TMTC1: variants seen among roughly 807,000 people sequenced by gnomAD.
TMTC1 encodes the protein protein O-mannosyl-transferase TMTC1.
Under a neutral mutation model 104.8 loss-of-function variants are expected in TMTC1, and 73 were observed. That is an observed-to-expected ratio of 0.70 (90% CI 0.58 to 0.85). The LOEUF (loss-of-function observed/expected upper bound fraction) is 0.85. Among genes scored for constraint, TMTC1 ranks in the 40% least tolerant of loss-of-function variants. The pLI is 0.00. For missense variants in TMTC1, 1,035 were observed against 1,096.1 expected, an observed-to-expected ratio of 0.94 and a Z score of 0.79; for synonymous variants, 434 against 428.7, an observed-to-expected ratio of 1.01 and a Z score of -0.15.
chr12:29,525,636 G>C (rs1944322256), intron 11 of TMTC1, among the ~76,000 whole-genome samples: 1 of 150,956 alleles, frequency 6.6e-6, no homozygotes, highest in African/African-American at 2.4e-5. Context: ...ATGTATTAAA[G>C]CCTTGTAGCA....
At chr12:29,590,293 A>G (rs1457537450) in intron 7 of TMTC1, among the ~76,000 whole-genome samples, 1 of 152,184 alleles carries the variant, frequency 6.6e-6, no homozygotes, top group Non-Finnish European at 1.5e-5. Flanking sequence ...TGAGCTATGT[A>G]TTCATCTTTT....
intron 6 of TMTC1, among the ~76,000 whole-genome samples, chr12:29,614,306 T>C (rs1388892874): frequency 6.6e-6 from 1 of 152,224 alleles, no homozygotes; most frequent in Non-Finnish European, 1.5e-5. Context: ...TCAAAACATG[T>C]TGCATCTCAT....
chr12:29,670,916 C>CGG, intron 5 of TMTC1, among the ~76,000 whole-genome samples: 1 of 122,962 alleles, frequency 8.1e-6, no homozygotes, highest in African/African-American at 3.3e-5. Context: ...GCCTGGGCCA[C>CGG]AGCACGAGAC....
chr12:29,565,370 G>A (rs1945482472), intron 9 of TMTC1, among the ~76,000 whole-genome samples: 1 of 152,074 alleles, frequency 6.6e-6, no homozygotes, highest in Admixed American at 6.6e-5. Context: ...AAATATCTAG[G>A]TATCATGGCC....
intron 9 of TMTC1, among the ~76,000 whole-genome samples, chr12:29,570,210 A>ATATG (rs2136294555): frequency 6.6e-6 from 1 of 152,338 alleles, no homozygotes; most frequent in South Asian, 2.1e-4. Context: ...AGTATACTTT[A>ATATG]TATGTACCCT....
At chr12:29,576,924 G>T (rs1234932882) in intron 8 of TMTC1, among the ~76,000 whole-genome samples, 1 of 151,898 alleles carries the variant, frequency 6.6e-6, no homozygotes, top group Non-Finnish European at 1.5e-5. Context: ...ATTAAAAAAA[G>T]GAAAAAGAAA....
intron 11 of TMTC1, chr12:29,533,760 A>G (rs1297115956): frequency 1.3e-5 from 2 of 152,336 alleles, no homozygotes; most frequent in East Asian, 1.9e-4. Context: ...AATGGTAGTC[A>G]ATACACTGTA....
chr12:29,518,439 G>A lies in TMTC1; in HGVS notation c.2024+33C>T, dbSNP rs753351331. The A allele has an allele frequency of 3.1e-6, 5 of 1,601,508 alleles. No individual in the cohort carries two copies. The East Asian group carries it at 6.7e-5, about 21-fold the overall frequency. ...TGATGAGTGATTGCTGAGGTTCCTG[G>A]GCAACTTATAAAGAAAAGAAAGGGA... On this transcript the variant is annotated intron_variant, in intron 13 of 17. Coordinates refer to ENST00000539277, the MANE Select transcript of TMTC1 (RefSeq NM_001193451.2).
intron 7 of TMTC1, among the ~76,000 whole-genome samples, chr12:29,600,542 G>T (rs1430959583): frequency 6.6e-6 from 1 of 152,204 alleles, no homozygotes; most frequent in African/African-American, 2.4e-5. Flanking sequence ...CTCCCTTGCA[G>T]TTTTAGTTAC....
At chr12:29,696,394 T>C (rs1221070026) in intron 5 of TMTC1, among the ~76,000 whole-genome samples, 2 of 152,192 alleles carry the variant, frequency 1.3e-5, no homozygotes, top group African/African-American at 2.4e-5. Flanking sequence ...CTTCTGGATG[T>C]GACAAGAATT....
chr12:29,776,848 G>T (rs1430265287), intron 1 of TMTC1, among the ~76,000 whole-genome samples: 1 of 152,172 alleles, frequency 6.6e-6, no homozygotes, highest in African/African-American at 2.4e-5. Context: ...ACAGATCTGG[G>T]GAAAAGCATT....
At chr12:29,602,043 C>T (rs377608150) in intron 7 of TMTC1, among the ~76,000 whole-genome samples, 20 of 151,960 alleles carry the variant, frequency 1.3e-4, no homozygotes, top group African/African-American at 4.6e-4. Context: ...ACTGTGTTAG[C>T]GAGGATGGTT....
At chr12:29,541,656 C>CTTTTTTTTT (rs35079677) in intron 10 of TMTC1, among the ~76,000 whole-genome samples, 2 of 115,618 alleles carry the variant, frequency 1.7e-5, no homozygotes, top group Non-Finnish European at 3.4e-5. Flanking sequence ...TTCACTGTTG[C>CTTTTTTTTT]TTTTTTTTTT....
At chr12:29,657,417 G>C (rs1228177832) in intron 5 of TMTC1, among the ~76,000 whole-genome samples, 2 of 152,068 alleles carry the variant, frequency 1.3e-5, no homozygotes, top group Non-Finnish European at 2.9e-5. Flanking sequence ...TACAAAGCTG[G>C]GTTAGAGAAG....
chr12:29,781,276 CAA>C (rs1943829991), intron 1 of TMTC1, among the ~76,000 whole-genome samples: 1 of 152,146 alleles, frequency 6.6e-6, no homozygotes, highest in African/African-American at 2.4e-5. Context: ...TCAATCTTCT[CAA>C]AAAAAGAGTG....
chr12:29,709,688 C>T (rs548967397), intron 5 of TMTC1, among the ~76,000 whole-genome samples: 6 of 152,310 alleles, frequency 3.9e-5, no homozygotes, highest in African/African-American at 1.2e-4. Context: ...GAACAAGATG[C>T]CAGATGGTAA....
At chr12:29,598,582 G>C (rs1035462517) in intron 7 of TMTC1, among the ~76,000 whole-genome samples, 3 of 152,078 alleles carry the variant, frequency 2.0e-5, no homozygotes, top group Non-Finnish European at 2.9e-5. Context: ...GTTTCTCACT[G>C]AATTTTTTCA....
chr12:29,732,350 C>T (rs34179109), intron 5 of TMTC1, among the ~76,000 whole-genome samples: 6,438 of 152,226 alleles, frequency 0.042, 187 homozygotes, highest in Non-Finnish European at 0.063. Context: ...ACCAGAAACA[C>T]AATGTATATT....
At chr12:29,730,807 C>A (rs1044165662) in intron 5 of TMTC1, among the ~76,000 whole-genome samples, 4 of 152,082 alleles carry the variant, frequency 2.6e-5, no homozygotes, top group African/African-American at 9.7e-5. Context: ...GGGTATAAAA[C>A]GGGAAGGAAT....
Sources: allele counts gnomAD v4.1 joint callset (sites outside exome capture counted in the v4.1 genomes callset), GRCh38; gene constraint gnomAD v4.1.1; transcripts MANE v1.5; gene names NCBI Gene and HGNC (gene_info 2026-07-23, HGNC 2026-07-21).